NCALD: variants seen among roughly 807,000 people sequenced by gnomAD.
NCALD encodes neurocalcin-delta.
NCALD carries 10 observed loss-of-function variants against 18.6 expected under a neutral mutation model. The ratio of observed to expected loss-of-function variants is 0.54; its 90% CI spans 0.33 to 0.91. The LOEUF (loss-of-function observed/expected upper bound fraction) is 0.91, where lower values mean the gene tolerates loss of function less well. Ranked by LOEUF, NCALD falls within the 40% of genes least tolerant of loss-of-function variation. The pLI is 0.03. For synonymous variants in NCALD, 88 were observed against 87.4 expected (o/e 1.01, Z -0.04); for missense variants, 184 against 247.6 (o/e 0.74, Z 1.72).
At chr8:101,843,638 A>G (rs2509895) in intron 4 of NCALD, among the ~76,000 whole-genome samples, 56,368 of 148,216 alleles carry the variant, frequency 0.38, 13,960 homozygotes, top group African/African-American at 0.7. Context: ...GTGCAGTGGC[A>G]CAATCTCAGC....
chr8:101,939,720 A>G (rs886991243), intron 2 of NCALD, among the ~76,000 whole-genome samples: 1 of 152,252 alleles, frequency 6.6e-6, no homozygotes, highest in East Asian at 1.9e-4. Context: ...AACTTATTAC[A>G]TAACAGTCAC....
At chr8:102,115,168 TC>T (rs1158762743) in intron 1 of NCALD, among the ~76,000 whole-genome samples, 4 of 152,254 alleles carry the variant, frequency 2.6e-5, no homozygotes, top group Non-Finnish European at 4.4e-5. Context: ...GCAAACCTTT[TC>T]TTCAGGTAGT....
chr8:101,709,990 G>A (rs1451592338), intron 2 of NCALD, among the ~76,000 whole-genome samples: 2 of 152,236 alleles, frequency 1.3e-5, no homozygotes, highest in East Asian at 1.9e-4. Flanking sequence ...GGGCAAGACA[G>A]CCAAATAGGA....
intron 4 of NCALD, among the ~76,000 whole-genome samples, chr8:101,802,899 CAA>C (rs34519871): frequency 3.8e-4 from 38 of 99,576 alleles, no homozygotes; most frequent in Admixed American, 1.5e-3. Flanking sequence ...TGCTGCTGCT[CAA>C]AAAAAAAAAA....
rs1178994319 is a variant in NCALD at position 101,686,980 on chromosome 8, A to C, written c.*2329T>G. On this transcript the variant is annotated 3_prime_UTR_variant, in exon 4 of 4. Coordinates refer to ENST00000220931, the MANE Select transcript of NCALD (RefSeq NM_032041.3). ...TCCTGGGAAGGAGAAGGAGAAAAAC[A>C]ACCTCCGAGAAAATACAGACAGGGT... The C allele has an allele frequency of 1.3e-5, 2 of 152,462 alleles. No homozygotes were observed. Among genetic ancestry groups the C allele is most frequent in the South Asian group, 4.2e-4 (2 of 4,800 alleles). The allele number at this position is 152,462 out of a possible 1,614,324, so 9.4% of individuals were successfully genotyped here.
chr8:102,053,706 T>G (rs1343446405), intron 1 of NCALD, among the ~76,000 whole-genome samples: 2 of 152,232 alleles, frequency 1.3e-5, no homozygotes, highest in Non-Finnish European at 1.5e-5. Context: ...CAGTAATCTT[T>G]TAGGATTTCA....
intron 1 of NCALD, among the ~76,000 whole-genome samples, chr8:101,748,762 T>C (rs904930775): frequency 6.6e-6 from 1 of 152,194 alleles, no homozygotes; most frequent in Non-Finnish European, 1.5e-5. Flanking sequence ...AGAGGCAGCA[T>C]TAAAATGCAG....
intron 2 of NCALD, among the ~76,000 whole-genome samples, chr8:101,714,610 T>C (rs1286919486): frequency 1.3e-5 from 2 of 152,210 alleles, no homozygotes; most frequent in Admixed American, 6.5e-5. Context: ...CAAGCTACCA[T>C]TGACTTTCTT....
intron 3 of NCALD, among the ~76,000 whole-genome samples, chr8:101,913,599 T>G (rs569526018): frequency 1.3e-5 from 2 of 152,364 alleles, no homozygotes; most frequent in East Asian, 1.9e-4. Flanking sequence ...TTGCTTGTTT[T>G]GGGACAGAGT....
intron 1 of NCALD, among the ~76,000 whole-genome samples, chr8:101,762,397 C>T (rs1248693862): frequency 1.3e-5 from 2 of 152,186 alleles, no homozygotes; most frequent in South Asian, 2.1e-4. Context: ...TCTGGCTTGG[C>T]TTAAGAGACT....
intron 2 of NCALD, among the ~76,000 whole-genome samples, chr8:101,973,322 G>A (rs909912617): frequency 6.6e-6 from 1 of 152,020 alleles, no homozygotes; most frequent in Non-Finnish European, 1.5e-5. Context: ...TGATGACCTT[G>A]AGAGTTTTGG....
rs1239887221 is a variant in NCALD, at chr8:101,688,875, A to G, written c.*434T>C. ...CTTGGGGAATCCAGCATCCGGTGCC[A>G]TCCATCACCCCTACGGCACGTGTGA... On this transcript the variant is annotated 3_prime_UTR_variant, in exon 4 of 4. Transcript: ENST00000220931. The G allele has an allele frequency of 1.6e-6, 1 of 625,754 alleles. No homozygotes were observed. The highest frequency in any genetic ancestry group is 1.8e-5 in the African/African-American group (1 of 54,694). 38.8% of individuals were successfully genotyped at this position (625,754 alleles called of 1,614,324 possible). A position where few individuals can be genotyped will look rare whatever the true frequency, so the allele number is the denominator to read the frequency against.
chr8:101,776,400 C>A (rs1377546357), intron 1 of NCALD, among the ~76,000 whole-genome samples: 1 of 152,122 alleles, frequency 6.6e-6, no homozygotes, highest in Non-Finnish European at 1.5e-5. Flanking sequence ...CTAAAAATTA[C>A]AAGACTAATT....
At chr8:102,055,279 G>A (rs995028847) in intron 1 of NCALD, among the ~76,000 whole-genome samples, 4 of 150,590 alleles carry the variant, frequency 2.7e-5, no homozygotes, top group Middle Eastern at 3.5e-3. Context: ...AGAAGAAGCC[G>A]GTGGGGCCAT....
intron 4 of NCALD, among the ~76,000 whole-genome samples, chr8:101,860,560 G>T (rs1049680591): frequency 1.3e-5 from 2 of 152,174 alleles, no homozygotes; most frequent in Non-Finnish European, 2.9e-5. Context: ...AAGTCCAGGA[G>T]AATAAAAAAG....
intron 1 of NCALD, among the ~76,000 whole-genome samples, chr8:101,741,425 A>G (rs1366837424): frequency 6.6e-6 from 1 of 152,204 alleles, no homozygotes; most frequent in Non-Finnish European, 1.5e-5. Flanking sequence ...CTATGCGTTT[A>G]TCATGTGTAG....
chr8:102,054,568 A>T (rs1000553158), intron 1 of NCALD, among the ~76,000 whole-genome samples: 1 of 151,964 alleles, frequency 6.6e-6, no homozygotes, highest in Non-Finnish European at 1.5e-5. Flanking sequence ...CTTTAGCTAC[A>T]TCAGCTTTTC....
intron 3 of NCALD, among the ~76,000 whole-genome samples, chr8:101,896,410 C>T (rs1165897030): frequency 1.4e-4 from 22 of 152,176 alleles, no homozygotes; most frequent in Non-Finnish European, 2.2e-4. Context: ...ACCATAAAAA[C>T]CCTAGAAGAA....
chr8:101,712,587 C>CAAAAAAAAAAAAAAAA (rs201729096), intron 2 of NCALD, among the ~76,000 whole-genome samples: 78 of 78,870 alleles, frequency 9.9e-4, no homozygotes, highest in East Asian at 1.2e-3. Flanking sequence ...AAATGGAAAG[C>CAAAAAAAAAAAAAAAA]AAAAAAAAAA....
Sources: gnomAD v4.1 joint callset for allele counts (sites outside exome capture counted in the v4.1 genomes callset) on GRCh38, gnomAD v4.1.1 for gene constraint, MANE v1.5 for transcripts, NCBI Gene and HGNC (gene_info 2026-07-23, HGNC 2026-07-21) for gene names.